Variants in UBE2V2 observed in about 807,000 individuals in gnomAD.
UBE2V2 encodes ubiquitin conjugating enzyme E2 V2.
A neutral mutation model predicts 17.2 loss-of-function variants in UBE2V2; 9 were observed. That is an observed-to-expected ratio of 0.52 (90% CI 0.32 to 0.91). The LOEUF (loss-of-function observed/expected upper bound fraction) is 0.91, where lower values mean the gene tolerates loss of function less well. Ranked by LOEUF, UBE2V2 falls within the 40% of genes least tolerant of loss-of-function variation. UBE2V2 has a pLI of 0.04. For synonymous variants in UBE2V2, 61 were observed against 57.5 expected (o/e 1.06, Z -0.28); for missense variants, 133 against 182.6 (o/e 0.73, Z 1.56).
At chr8:48,049,776 T>C (rs2091522739) in intron 2 of UBE2V2, 77 bp from the exon 3 acceptor site, 24 of 267,498 alleles carry the variant, frequency 9.0e-5, no homozygotes, top group Non-Finnish European at 1.1e-4. Flanking sequence ...GTACTTTCCC[T>C]TTTTTTTTTT....
chr8:48,063,589 C>A lies in UBE2V2; in HGVS notation c.*2761C>A, dbSNP rs971645122. On this transcript the variant is annotated 3_prime_UTR_variant, in exon 4 of 4. Transcript: ENST00000523111. ...TGTTATGATTTAATGGTTTTAATTA[C>A]TTAACCAATTTTAAGAATTGACAAT... 1.3e-5 allele frequency: 2 copies of A among 152,144 alleles called. No homozygotes were observed. Among genetic ancestry groups the A allele is most frequent in the Non-Finnish European group, 2.9e-5 (2 of 68,026 alleles). The allele number at this position is 152,144 out of a possible 1,614,324, so 9.4% of individuals were successfully genotyped here.
chr8:48,008,387 C>A (rs748122060), upstream of UBE2V2: 14 of 1,543,390 alleles, frequency 9.1e-6, no homozygotes, highest in Admixed American at 1.6e-4. Flanking sequence ...CAGGGCGGCG[C>A]GCTCCCGGAA....
intron 3 of UBE2V2, among the ~76,000 whole-genome samples, chr8:48,053,219 A>G (rs1451269761): frequency 6.6e-6 from 1 of 151,834 alleles, no homozygotes; most frequent in East Asian, 1.9e-4. Context: ...TGATGTTCCA[A>G]CTTGAATTAT....
At chr8:48,010,903 T>C (rs941300492) in intron 1 of UBE2V2, among the ~76,000 whole-genome samples, 3 of 149,186 alleles carry the variant, frequency 2.0e-5, no homozygotes, top group Non-Finnish European at 4.5e-5. Context: ...ATTTTTTTTT[T>C]TTTTTTTAGT....
chr8:48,017,021 C>T (rs1413409945), intron 1 of UBE2V2, among the ~76,000 whole-genome samples: 1 of 151,992 alleles, frequency 6.6e-6, no homozygotes, highest in East Asian at 1.9e-4. Context: ...AAACGCCCGA[C>T]CTCAGGTGAT....
chr8:48,034,701 G>A (rs1278393615), intron 1 of UBE2V2, among the ~76,000 whole-genome samples: 1 of 151,792 alleles, frequency 6.6e-6, no homozygotes, highest in African/African-American at 2.4e-5. Flanking sequence ...TTTTTGCACT[G>A]CCAAATAAAC....
At chr8:48,008,614 G>C in intron 1 of UBE2V2, 144 bp downstream of exon 1, 1 of 1,156,890 alleles carries the variant, frequency 8.6e-7, no homozygotes, top group Non-Finnish European at 1.1e-6. Context: ...AGCGTAGCCT[G>C]GGACCGGGTG....
intron 1 of UBE2V2, among the ~76,000 whole-genome samples, chr8:48,035,443 A>G (rs1203697731): frequency 6.6e-6 from 1 of 151,744 alleles, no homozygotes; most frequent in Non-Finnish European, 1.5e-5. Flanking sequence ...TTCTACTGAT[A>G]AAACAGGTAG....
chr8:48,059,639 C>T lies in UBE2V2; in HGVS notation c.292-1043C>T, dbSNP rs191447910. 5.2e-3 allele frequency among the ~76,000 whole-genome samples: 792 copies of T among 151,908 alleles called. 15 individuals are homozygous for T. Among genetic ancestry groups the T allele is most frequent in the African/African-American group, 0.018 (766 of 41,452 alleles). On this transcript the variant is annotated intron_variant, in intron 3 of 3. Coordinates refer to ENST00000523111, the MANE Select transcript of UBE2V2 (RefSeq NM_003350.3). ...TGTTGGCCATGCTGGTCTCAAACTC[C>T]TGACCTTGTGATCCGCCCGCCTTGG...
intron 3 of UBE2V2, among the ~76,000 whole-genome samples, chr8:48,056,105 T>C (rs945194980): frequency 1.3e-5 from 2 of 152,214 alleles, no homozygotes; most frequent in South Asian, 4.1e-4. Context: ...TTCATATAAA[T>C]AGAATCATAG....
At chr8:48,000,493 C>T in the UBE2V2 span, among the ~76,000 whole-genome samples, 4 of 152,162 alleles carry the variant, frequency 2.6e-5, no homozygotes, top group Admixed American at 2.6e-4. Flanking sequence ...GCCAACCACT[C>T]TCTGCTGCTG....
chr8:48,059,315 G>A (rs760716502), intron 3 of UBE2V2, among the ~76,000 whole-genome samples: 45 of 152,036 alleles, frequency 3.0e-4, no homozygotes, highest in South Asian at 1.7e-3. Context: ...AAGCCTGTGC[G>A]CAGCCCTACA....
At chr8:48,037,975 G>A (rs887567666) in intron 1 of UBE2V2, among the ~76,000 whole-genome samples, 1 of 152,166 alleles carries the variant, frequency 6.6e-6, no homozygotes, top group Admixed American at 6.6e-5. Flanking sequence ...TGCTAAGGGT[G>A]CCCTTCCAGG....
At chr8:47,998,081 A>G in the UBE2V2 span, among the ~76,000 whole-genome samples, 1,658 of 152,138 alleles carry the variant, frequency 0.011, 40 homozygotes, top group African/African-American at 0.039. Flanking sequence ...CATTGCGGTG[A>G]CAAAAGTTGT....
At chr8:48,002,912 A>G in the UBE2V2 span, among the ~76,000 whole-genome samples, 1 of 151,740 alleles carries the variant, frequency 6.6e-6, no homozygotes, top group Admixed American at 6.6e-5. Flanking sequence ...CATGTCGTTA[A>G]AAAAGAAAGA....
intron 1 of UBE2V2, among the ~76,000 whole-genome samples, chr8:48,038,862 C>T (rs73579416): frequency 0.019 from 2,948 of 151,784 alleles, 81 homozygotes; most frequent in African/African-American, 0.067. Context: ...AGTGATTTGC[C>T]CATCTCAGTC....
At chr8:48,042,230 A>G (rs2091468326) in intron 1 of UBE2V2, 2 of 152,224 alleles carry the variant, frequency 1.3e-5, no homozygotes, top group Non-Finnish European at 2.9e-5. Flanking sequence ...AATCCTTACT[A>G]ACTAAAATTA....
intron 1 of UBE2V2, among the ~76,000 whole-genome samples, chr8:48,023,327 TG>T (rs1387984475): frequency 6.6e-6 from 1 of 152,000 alleles, no homozygotes; most frequent in Non-Finnish European, 1.5e-5. Flanking sequence ...GTGATTCTCC[TG>T]CCTCAGCCTC....
At chr8:48,003,573 T>C (rs2091165864), upstream of UBE2V2, among the ~76,000 whole-genome samples, 1 of 152,122 alleles carries the variant, frequency 6.6e-6, no homozygotes, top group Non-Finnish European at 1.5e-5. Flanking sequence ...AGCTTCCTGC[T>C]AGTGGGAGGG....
Sources: allele counts gnomAD v4.1 joint callset (sites outside exome capture counted in the v4.1 genomes callset), GRCh38; gene constraint gnomAD v4.1.1; transcripts MANE v1.5; gene names NCBI Gene and HGNC (gene_info 2026-07-23, HGNC 2026-07-21).